Variants in EXT1 observed in about 807,000 individuals in gnomAD.
The protein encoded by EXT1 is exostosin-1.
In EXT1, 20 loss-of-function variants were observed where a neutral mutation model predicts 82.5. The ratio of observed to expected loss-of-function variants is 0.24; its 90% CI spans 0.17 to 0.35. The LOEUF (loss-of-function observed/expected upper bound fraction) is 0.35, where lower values mean the gene tolerates loss of function less well. EXT1 is among the 10% of genes least tolerant of loss of function. The pLI is 1.00. For missense variants in EXT1, 757 were observed against 936.5 expected (o/e 0.81, Z 2.50); for synonymous variants, 348 against 350.8 (o/e 0.99, Z 0.09).
At chr8:117,832,383 G>A (rs1219553733) in intron 3 of EXT1, among the ~76,000 whole-genome samples, 1 of 152,080 alleles carries the variant, frequency 6.6e-6, no homozygotes, top group Non-Finnish European at 1.5e-5. Flanking sequence ...AATTAGCTGG[G>A]CATGGTGGTG....
chr8:117,971,280 T>C (rs1445202705), intron 1 of EXT1, among the ~76,000 whole-genome samples: 2 of 152,178 alleles, frequency 1.3e-5, no homozygotes, highest in African/African-American at 2.4e-5. Flanking sequence ...CCCACAATAC[T>C]ACTTCACCTC....
chr8:117,942,363 T>G (rs1814300134), intron 1 of EXT1, among the ~76,000 whole-genome samples: 1 of 152,186 alleles, frequency 6.6e-6, no homozygotes, highest in African/African-American at 2.4e-5. Flanking sequence ...ACCTGGCCCC[T>G]GTCTTTATAC....
rs899438967 is a variant in EXT1, at chr8:117,797,454, C to T, written c.*2258G>A. On this transcript the variant is annotated 3_prime_UTR_variant, in exon 11 of 11. Transcript: ENST00000378204. ...ATCTGGCAAAGCAGGTCCTTGAATCCACTTGTGTGACTGACTGGTACAATT... is the reference window on the plus strand; with the variant it reads ...ATCTGGCAAAGCAGGTCCTTGAATCTACTTGTGTGACTGACTGGTACAATT... 6.6e-6 allele frequency: 1 copy of T among 152,206 alleles called. No homozygotes were observed. Among genetic ancestry groups the T allele is most frequent in the African/African-American group, 2.4e-5 (1 of 41,432 alleles). 9.4% of individuals were successfully genotyped at this position (152,206 alleles called of 1,614,324 possible).
intron 1 of EXT1, among the ~76,000 whole-genome samples, chr8:117,918,169 T>C (rs1813790147): frequency 6.6e-6 from 1 of 152,212 alleles, no homozygotes; most frequent in Non-Finnish European, 1.5e-5. Context: ...GAAGTTGGTA[T>C]TTCCTATTTC....
chr8:118,020,213 C>T (rs62520082), intron 1 of EXT1, among the ~76,000 whole-genome samples: 3,538 of 152,244 alleles, frequency 0.023, 54 homozygotes, highest in Non-Finnish European at 0.032. Flanking sequence ...AGGATGCAAT[C>T]GACCCATCTG....
chr8:117,904,239 A>C (rs1198036383), intron 1 of EXT1, among the ~76,000 whole-genome samples: 4 of 152,192 alleles, frequency 2.6e-5, no homozygotes, highest in African/African-American at 4.8e-5. Flanking sequence ...TTCTTTTTCT[A>C]AAAAAGAAAG....
chr8:117,810,763 T>A (rs1411761753), intron 8 of EXT1, among the ~76,000 whole-genome samples: 2 of 152,234 alleles, frequency 1.3e-5, no homozygotes, highest in Non-Finnish European at 2.9e-5. Context: ...CTTCTTGTCC[T>A]GCCCTGTGCC....
intron 1 of EXT1, among the ~76,000 whole-genome samples, chr8:117,969,159 T>C (rs1237009426): frequency 6.6e-6 from 1 of 152,212 alleles, no homozygotes; most frequent in Non-Finnish European, 1.5e-5. Flanking sequence ...AGCCCCATTA[T>C]TTGGAATCCA....
At chr8:117,912,779 A>AT (rs1233496084) in intron 1 of EXT1, among the ~76,000 whole-genome samples, 1 of 152,206 alleles carries the variant, frequency 6.6e-6, no homozygotes, top group African/African-American at 2.4e-5. Flanking sequence ...CTGAAGAAAA[A>AT]TTTCTTCCCA....
At chr8:117,999,678 G>C (rs1563625227) in intron 1 of EXT1, among the ~76,000 whole-genome samples, 1 of 152,126 alleles carries the variant, frequency 6.6e-6, no homozygotes, top group Non-Finnish European at 1.5e-5. Flanking sequence ...TCTCACTGCA[G>C]GGGAGGCAGT....
chr8:118,006,196 G>A (rs1815771402), intron 1 of EXT1, among the ~76,000 whole-genome samples: 1 of 152,176 alleles, frequency 6.6e-6, no homozygotes, highest in Non-Finnish European at 1.5e-5. Context: ...TGCAAGGAGT[G>A]AGTCTACTAT....
Position 117,861,118 on chromosome 8 carries a change from T to A in EXT1, c.963-23917A>T, listed in dbSNP as rs572675296. Among the ~76,000 whole-genome samples, 4 of 152,284 alleles carry A rather than the reference T, an allele frequency of 2.6e-5. No individual in the cohort carries two copies. In the South Asian group the frequency reaches 8.3e-4, roughly 32 times the overall value. ...TCTGCTGGGTCCTCATGGAAACATA[T>A]CTTTCAGCCCTAACAATGAGACTAC... On this transcript the variant is annotated intron_variant, in intron 1 of 10. Coordinates refer to ENST00000378204, the MANE Select transcript of EXT1 (RefSeq NM_000127.3).
intron 1 of EXT1, among the ~76,000 whole-genome samples, chr8:117,878,602 A>C (rs1212877488): frequency 6.6e-6 from 1 of 152,168 alleles, no homozygotes; most frequent in Non-Finnish European, 1.5e-5. Context: ...TCAGCTTAAA[A>C]TCTCTCAAAG....
At chr8:118,011,596 A>T (rs1489523695) in intron 1 of EXT1, among the ~76,000 whole-genome samples, 4 of 152,214 alleles carry the variant, frequency 2.6e-5, no homozygotes, top group Non-Finnish European at 5.9e-5. Flanking sequence ...CAGATTAGGA[A>T]AACTGAGGTT....
intron 1 of EXT1, among the ~76,000 whole-genome samples, chr8:117,864,728 G>A (rs975980098): frequency 2.9e-5 from 4 of 136,982 alleles, no homozygotes; most frequent in Non-Finnish European, 3.0e-5. Flanking sequence ...CAGCCTGGGC[G>A]ACAGAGCGAG....
At chr8:118,065,052 T>C (rs1283911967) in intron 1 of EXT1, among the ~76,000 whole-genome samples, 2 of 151,708 alleles carry the variant, frequency 1.3e-5, no homozygotes, top group East Asian at 3.9e-4. Flanking sequence ...GGGGTTTCAC[T>C]ATGTTGGCCA....
In EXT1 at chr8:117,966,249, C is replaced by T. The variant is rs995404318; in HGVS notation, c.963-129048G>A. ...CCATTCCAAAACGAGGATTCTTTCA[C>T]AAGGAATGAGATCTCTGTGTGTATT... On this transcript the variant is annotated intron_variant, in intron 1 of 10. Transcript: ENST00000378204. Among the ~76,000 whole-genome samples, 6 of 152,208 alleles carry T rather than the reference C, an allele frequency of 3.9e-5. No homozygotes were observed. In the East Asian group the frequency reaches 1.2e-3, roughly 29 times the overall value.
Position 117,830,340 on chromosome 8 carries a change from T to C in EXT1, c.1174A>G (p.Thr392Ala). 6.2e-7 allele frequency: 1 copy of C among 1,614,030 alleles called. No homozygotes were observed. The highest frequency in any genetic ancestry group is 1.1e-5 in the South Asian group (1 of 91,082). The change falls in exon 4 of 11, where the codon ACA (threonine) becomes GCA (alanine). Residue 392 changes from threonine to alanine, a missense_variant. By Grantham distance (58) the Thr-to-Ala change is moderately conservative. This residue lies in a region of EXT1 where 207 missense variants were observed against 224.2 expected (regional missense o/e 0.92). Coordinates refer to ENST00000378204, the MANE Select transcript of EXT1 (RefSeq NM_000127.3). ...TTATCCTGATGAATAGACCTGATTGTAGAAGGAATCTGTAACACAAGGTGA... is the reference window on the plus strand; with the variant it reads ...TTATCCTGATGAATAGACCTGATTGCAGAAGGAATCTGTAACACAAGGTGA... Reference protein sequence around the residue: ...DERLLLQIPSTIRSIHQDKIL... With the variant: ...DERLLLQIPSAIRSIHQDKIL...
intron 1 of EXT1, among the ~76,000 whole-genome samples, chr8:118,064,183 TTTC>T (rs1816935197): frequency 6.6e-6 from 1 of 152,106 alleles, no homozygotes; most frequent in Non-Finnish European, 1.5e-5. Flanking sequence ...TTTTTTTCTT[TTTC>T]TTTTTTTTAA....
Sources: allele counts gnomAD v4.1 joint callset (sites outside exome capture counted in the v4.1 genomes callset), GRCh38; gene constraint gnomAD v4.1.1; regional missense constraint gnomAD v4.1.1; transcripts MANE v1.5; gene names NCBI Gene and HGNC (gene_info 2026-07-23, HGNC 2026-07-21).